GATA3: variants seen among roughly 807,000 people sequenced by gnomAD.
The protein encoded by GATA3 is trans-acting T-cell-specific transcription factor GATA-3.
GATA3 carries 6 observed loss-of-function variants against 36.0 expected under a neutral mutation model. The ratio of observed to expected loss-of-function variants is 0.17; its 90% CI spans 0.09 to 0.33. The LOEUF (loss-of-function observed/expected upper bound fraction) is 0.33, where lower values mean the gene tolerates loss of function less well. Among genes scored for constraint, GATA3 ranks in the 10% least tolerant of loss-of-function variants. The probability of loss-of-function intolerance (pLI) is 1.00; values close to 1 mark genes in which losing one functional copy is unlikely to be tolerated. For synonymous variants in GATA3, 326 were observed against 273.0 expected (o/e 1.19, Z -1.92); for missense variants, 514 against 610.1 (o/e 0.84, Z 1.66).
At position 8,061,086 on chromosome 10, in the gene GATA3, TC is replaced by T. The variant is rs1832740288; in HGVS notation, c.778+2246del. ...TGGTTGCTCTCTCTCTCTCTCTCTC[TC>T]TCTTTTTTACCCCTTTAACCTCTTC... On this transcript the variant is annotated intron_variant, in intron 3 of 5. Coordinates refer to ENST00000379328, the MANE Select transcript of GATA3 (RefSeq NM_001002295.2). Among the ~76,000 whole-genome samples the T allele has an allele frequency of 3.3e-3, 500 of 149,702 alleles. 4 individuals are homozygous for T. The highest frequency in any genetic ancestry group is 0.012 in the African/African-American group (473 of 41,046).
Position 8,058,446 on chromosome 10 carries a change from G to T in GATA3, c.383G>T (p.Gly128Val). ...SKTSIHHGSP[G>V]PLSVYPPASS... ...ACGTCCATCCACCACGGCTCCCCGG[G>T]GCCCCTCTCCGTCTACCCCCCGGCC... The change falls in exon 3 of 6, where the codon GGG becomes GTG. Residue 128 changes from glycine (G) to valine (V), a missense_variant. By Grantham distance (109) the Gly-to-Val change is moderately radical (BLOSUM62 -3). Transcript: ENST00000379328. The T allele has an allele frequency of 6.2e-7, 1 of 1,612,840 alleles. No individual in the cohort carries two copies.
chr10:8,058,393 C>A lies in GATA3; in HGVS notation c.330C>A (p.Ser110=), dbSNP rs111978415. Residue 110 remains serine (S), a synonymous_variant, in exon 3 of 6, where the codon TCC becomes TCA. Coordinates refer to ENST00000379328, the MANE Select transcript of GATA3 (RefSeq NM_001002295.2). ...CCCTGGGCAGCCACCACACCGCCTC[C>A]CCCTGGAATCTCAGCCCCTTCTCCA... is the stretch of plus-strand genomic sequence containing the variant. ...GKALGSHHTA[S]PWNLSPFSKT... is the part of the protein sequence containing the mutation. 17 of 1,612,918 alleles carry A rather than the reference C, an allele frequency of 1.1e-5. No homozygotes were observed. The South Asian group carries it at 1.9e-4, about 18-fold the overall frequency.
At chr10:8,069,676 C>T (rs2131512823) in intron 5 of GATA3, 78 bp downstream of exon 5, 2 of 1,528,854 alleles carry the variant, frequency 1.3e-6, no homozygotes, top group Non-Finnish European at 9.0e-7. Flanking sequence ...CCACCCTCTC[C>T]AAGTGAATCG....
intron 4 of GATA3, among the ~76,000 whole-genome samples, chr10:8,065,754 C>G (rs1832828644): frequency 8.3e-6 from 1 of 121,170 alleles, no homozygotes; most frequent in Non-Finnish European, 1.6e-5. Flanking sequence ...AGCTGACTTC[C>G]TAGGAAAAAG....
At chr10:8,046,218 G>A (rs1207120935) in intron 1 of GATA3, among the ~76,000 whole-genome samples, 2 of 152,214 alleles carry the variant, frequency 1.3e-5, no homozygotes, top group Non-Finnish European at 2.9e-5. Flanking sequence ...AAGTCACTCA[G>A]AGGCAGTTCC....
intron 5 of GATA3, among the ~76,000 whole-genome samples, chr10:8,071,700 AT>A (rs1280579508): frequency 6.6e-6 from 1 of 152,180 alleles, no homozygotes; most frequent in African/African-American, 2.4e-5. Context: ...GAGGCGATTG[AT>A]GTGTATTGAA....
chr10:8,056,205 G>T (rs1414269796), intron 2 of GATA3, among the ~76,000 whole-genome samples: 1 of 152,066 alleles, frequency 6.6e-6, no homozygotes, highest in Admixed American at 6.5e-5. Flanking sequence ...GGGGTGGGGG[G>T]TCTCGGGATG....
At chr10:8,061,381 G>A (rs547758494) in intron 3 of GATA3, among the ~76,000 whole-genome samples, 4 of 152,148 alleles carry the variant, frequency 2.6e-5, no homozygotes, top group African/African-American at 9.7e-5. Flanking sequence ...CCACAGCCTG[G>A]TTTAAGGGTT....
chr10:8,062,103 G>A (rs1331110631), intron 3 of GATA3, among the ~76,000 whole-genome samples: 1 of 152,170 alleles, frequency 6.6e-6, no homozygotes, highest in Admixed American at 6.5e-5. Flanking sequence ...TTTCCTTCCA[G>A]CCTCCCCCAC....
chr10:8,068,894 T>A (rs1318096697), intron 4 of GATA3, among the ~76,000 whole-genome samples: 1 of 152,272 alleles, frequency 6.6e-6, no homozygotes, highest in African/African-American at 2.4e-5. Context: ...CAGAATTTGC[T>A]GTTGTGTTGG....
At chr10:8,064,420 T>C (rs1241066106) in intron 4 of GATA3, among the ~76,000 whole-genome samples, 1 of 152,004 alleles carries the variant, frequency 6.6e-6, no homozygotes, top group African/African-American at 2.4e-5. Flanking sequence ...GACTGAATTC[T>C]TGGTTATCAA....
intron 3 of GATA3, among the ~76,000 whole-genome samples, chr10:8,060,066 C>T (rs1440534384): frequency 6.6e-6 from 1 of 152,212 alleles, no homozygotes; most frequent in Non-Finnish European, 1.5e-5. Context: ...AGGGAGTACT[C>T]TGGGAGCCCA....
upstream of GATA3, among the ~76,000 whole-genome samples, chr10:8,049,643 G>C (rs2131466476): frequency 6.6e-6 from 1 of 152,280 alleles, no homozygotes; most frequent in South Asian, 2.1e-4. Flanking sequence ...GGCAGCCGGC[G>C]AGCTGTTTAT....
At chr10:8,050,778 T>C (rs1253353594), upstream of GATA3, 2 of 340,136 alleles carry the variant, frequency 5.9e-6, no homozygotes, top group Non-Finnish European at 1.2e-5. Context: ...CGCGCTCTGC[T>C]TGCAAAGTCT....
At chr10:8,056,993 G>A (rs1832651145) in intron 2 of GATA3, among the ~76,000 whole-genome samples, 1 of 152,108 alleles carries the variant, frequency 6.6e-6, no homozygotes, top group African/African-American at 2.4e-5. Flanking sequence ...TAGCCCCTCC[G>A]GCAGCAGGCG....
upstream of GATA3, among the ~76,000 whole-genome samples, chr10:8,054,035 G>A (rs1356756850): frequency 6.6e-6 from 1 of 152,166 alleles, no homozygotes; most frequent in Admixed American, 6.5e-5. This position sits in a 1 kb window ranked among gnomAD's most constrained non-coding sequence, Gnocchi z 4.2. Flanking sequence ...AGAAGGCTCG[G>A]GAAAGAGGTG....
intron 4 of GATA3, 55 bp downstream of exon 4, chr10:8,064,193 C>T (rs1270389450): frequency 6.2e-7 from 1 of 1,609,652 alleles, no homozygotes; most frequent in African/African-American, 1.3e-5. Flanking sequence ...TTTCTCATTT[C>T]CTCTCTTCCG....
At chr10:8,063,939 G>C in intron 3 of GATA3, 54 bp from the exon 4 acceptor site, 1 of 1,613,690 alleles carries the variant, frequency 6.2e-7, no homozygotes, top group Non-Finnish European at 8.5e-7. Flanking sequence ...AATGCTGTCA[G>C]CTTTCCTGCG....
chr10:8,049,199 G>C (rs936109243), upstream of GATA3, among the ~76,000 whole-genome samples: 6 of 152,254 alleles, frequency 3.9e-5, no homozygotes, highest in African/African-American at 1.4e-4. Context: ...CTCATTTCAC[G>C]GGGAAGGTAG....
Sources: allele counts gnomAD v4.1 joint callset (sites outside exome capture counted in the v4.1 genomes callset), GRCh38; gene constraint gnomAD v4.1.1; non-coding constraint Gnocchi (gnomAD v3.1); transcripts MANE v1.5; gene names NCBI Gene and HGNC (gene_info 2026-07-23, HGNC 2026-07-21).